Variants in NCKAP1 observed in about 807,000 individuals in gnomAD.
NCKAP1 encodes the protein nck-associated protein 1.
Under a neutral mutation model 151.2 loss-of-function variants are expected in NCKAP1, and 21 were observed. The ratio of observed to expected loss-of-function variants is 0.14; its 90% CI spans 0.10 to 0.20. NCKAP1 has a LOEUF of 0.20. NCKAP1 is among the 10% of genes least tolerant of loss of function. NCKAP1 has a pLI of 1.00. For missense variants in NCKAP1, 933 were observed against 1,352.1 expected, an observed-to-expected ratio of 0.69 and a Z score of 4.86; for synonymous variants, 484 against 451.8, an observed-to-expected ratio of 1.07 and a Z score of -0.90.
chr2:182,947,408 C>T (rs1162070573), intron 23 of NCKAP1, among the ~76,000 whole-genome samples: 2 of 152,182 alleles, frequency 1.3e-5, no homozygotes, highest in African/African-American at 4.8e-5. Flanking sequence ...ACTACTGACA[C>T]CCTTGTTCCA....
chr2:182,966,762 A>G (rs1415507124), intron 16 of NCKAP1, among the ~76,000 whole-genome samples: 4 of 152,238 alleles, frequency 2.6e-5, no homozygotes, highest in African/African-American at 9.6e-5. Flanking sequence ...TCTAACAGAA[A>G]AAGAGAATGA....
intron 2 of NCKAP1, among the ~76,000 whole-genome samples, chr2:183,020,224 AG>A (rs1341799646): frequency 6.6e-6 from 1 of 152,098 alleles, no homozygotes; most frequent in Non-Finnish European, 1.5e-5. Flanking sequence ...GCACTTTGGG[AG>A]GCCAATCTGG....
intron 10 of NCKAP1, among the ~76,000 whole-genome samples, chr2:182,985,931 C>A (rs1466444307): frequency 1.3e-5 from 2 of 151,986 alleles, no homozygotes; most frequent in African/African-American, 4.8e-5. Flanking sequence ...AAGTAAGAGT[C>A]CTTTGTGTGA....
At chr2:183,008,440 C>T (rs1014612708) in intron 2 of NCKAP1, among the ~76,000 whole-genome samples, 1 of 152,154 alleles carries the variant, frequency 6.6e-6, no homozygotes, top group Non-Finnish European at 1.5e-5. Context: ...TTACCAGTGC[C>T]TCAGAATAAA....
rs965140920 is a variant in NCKAP1, at chr2:182,917,309, A to G, written c.*8393T>C. 1 of 152,216 alleles carries G rather than the reference A, an allele frequency of 6.6e-6. No homozygotes were observed. The highest frequency in any genetic ancestry group is 2.4e-5 in the African/African-American group (1 of 41,468). 9.4% of individuals were successfully genotyped at this position (152,216 alleles called of 1,614,324 possible). A position where few individuals can be genotyped will look rare whatever the true frequency, so the allele number is the denominator to read the frequency against. ...ATCCACGTCCAAAATCCTACCAGGA[A>G]CCAGTAGCTGTTTATCATTATGAAG... is the stretch of plus-strand genomic sequence containing the variant. On this transcript the variant is annotated 3_prime_UTR_variant, in exon 31 of 31. Coordinates refer to ENST00000361354, the MANE Select transcript of NCKAP1 (RefSeq NM_013436.5).
At chr2:183,000,895 C>T (rs1287887198) in intron 6 of NCKAP1, among the ~76,000 whole-genome samples, 1 of 152,038 alleles carries the variant, frequency 6.6e-6, no homozygotes, top group Non-Finnish European at 1.5e-5. Flanking sequence ...GAGTTAGAGA[C>T]CAGCCTGGGA....
intron 29 of NCKAP1, among the ~76,000 whole-genome samples, chr2:182,927,467 A>T (rs1696671793): frequency 6.6e-6 from 1 of 152,074 alleles, no homozygotes; most frequent in Non-Finnish European, 1.5e-5. Context: ...TATAACTGAA[A>T]AAGAAGTAAA....
chr2:182,934,449 C>G, intron 26 of NCKAP1: 1 of 170,180 alleles, frequency 5.9e-6, no homozygotes, highest in Non-Finnish European at 1.2e-5. Flanking sequence ...GCCTGGCCAC[C>G]TCATCTTTCT....
rs1697240455 is a variant in NCKAP1 at position 182,952,785 on chromosome 2, C to G, written c.2503+8G>C. 1 of 1,597,120 alleles carries G rather than the reference C, an allele frequency of 6.3e-7. No individual in the cohort carries two copies. Among genetic ancestry groups the G allele is most frequent in the East Asian group, 2.2e-5 (1 of 44,686 alleles). On this transcript the variant is annotated splice_region_variant and intron_variant, in intron 22 of 30. Coordinates refer to ENST00000361354, the MANE Select transcript of NCKAP1 (RefSeq NM_013436.5). ...TCATTCTCTAAACTGTGGTATAGTA[C>G]TATTCACCTGATATGTCAGAATATT...
At chr2:183,034,321 G>A (rs536744445) in intron 1 of NCKAP1, among the ~76,000 whole-genome samples, 2 of 150,012 alleles carry the variant, frequency 1.3e-5, no homozygotes, top group Admixed American at 6.6e-5. Flanking sequence ...TTTTAAAGAA[G>A]TAAAACTGCA....
intron 24 of NCKAP1, among the ~76,000 whole-genome samples, chr2:182,939,282 C>T (rs1696945658): frequency 6.6e-6 from 1 of 152,146 alleles, no homozygotes; most frequent in African/African-American, 2.4e-5. Context: ...GTAATCCCAA[C>T]ACTCTAGGAG....
At chr2:183,036,983 ATC>A (rs1245289238) in intron 1 of NCKAP1, among the ~76,000 whole-genome samples, 2 of 152,222 alleles carry the variant, frequency 1.3e-5, no homozygotes, top group African/African-American at 2.4e-5. Flanking sequence ...TTTTCCAAAT[ATC>A]TCTTTTTCTC....
chr2:183,028,270 A>T (rs1698936520), intron 1 of NCKAP1, among the ~76,000 whole-genome samples: 1 of 152,106 alleles, frequency 6.6e-6, no homozygotes, highest in Non-Finnish European at 1.5e-5. Context: ...ACAGAATTGA[A>T]AAAACAAAAA....
intron 6 of NCKAP1, among the ~76,000 whole-genome samples, chr2:183,000,712 C>G (rs1698359827): frequency 6.6e-6 from 1 of 152,094 alleles, no homozygotes; most frequent in South Asian, 2.1e-4. Flanking sequence ...TATAATGTAG[C>G]TATGCAAATC....
chr2:182,985,905 A>G (rs1423269295), intron 10 of NCKAP1, among the ~76,000 whole-genome samples: 1 of 152,160 alleles, frequency 6.6e-6, no homozygotes, highest in Non-Finnish European at 1.5e-5. Context: ...GCATAGTGGC[A>G]GTGAGATTAT....
At chr2:182,935,492 C>T in intron 24 of NCKAP1, 117 bp from the exon 25 acceptor site, 1 of 558,906 alleles carries the variant, frequency 1.8e-6, no homozygotes, top group South Asian at 2.9e-5. Context: ...ATAAAAGGCA[C>T]AATTAACAGT....
At chr2:182,946,657 G>A (rs1036912225) in intron 23 of NCKAP1, among the ~76,000 whole-genome samples, 1 of 149,704 alleles carries the variant, frequency 6.7e-6, no homozygotes, top group Non-Finnish European at 1.5e-5. Flanking sequence ...CTGATTAAAT[G>A]TAGAGAATTT....
chr2:183,008,702 T>C (rs1698529784), intron 2 of NCKAP1, among the ~76,000 whole-genome samples: 1 of 152,202 alleles, frequency 6.6e-6, no homozygotes, highest in African/African-American at 2.4e-5. Flanking sequence ...TAAAATTTCA[T>C]TGCTAGCCAT....
chr2:182,980,335 T>C (rs1171812604), intron 13 of NCKAP1, among the ~76,000 whole-genome samples: 2 of 151,986 alleles, frequency 1.3e-5, no homozygotes, highest in African/African-American at 4.8e-5. Context: ...ATTTTTTTCC[T>C]TATTATATTT....
Sources: gnomAD v4.1 joint callset for allele counts (sites outside exome capture counted in the v4.1 genomes callset) on GRCh38, gnomAD v4.1.1 for gene constraint, MANE v1.5 for transcripts, NCBI Gene and HGNC (gene_info 2026-07-23, HGNC 2026-07-21) for gene names.